The following CD163L1 variants were observed in gnomAD, a reference collection of about 807,000 sequenced individuals.
CD163L1 encodes the protein CD163 molecule like 1.
Under a neutral mutation model 165.4 loss-of-function variants are expected in CD163L1, and 124 were observed. The ratio of observed to expected loss-of-function variants is 0.75; its 90% CI spans 0.65 to 0.87. The LOEUF (loss-of-function observed/expected upper bound fraction) is 0.87, where lower values mean the gene tolerates loss of function less well. CD163L1 is among the 40% of genes least tolerant of loss of function. The pLI is 0.00. For missense variants in CD163L1, 1,525 were observed against 1,799.9 expected (o/e 0.85, Z 2.76); for synonymous variants, 585 against 662.2 (o/e 0.88, Z 1.79).
At position 7,368,324 on chromosome 12, in the gene CD163L1, T is replaced by C. The variant is rs975250818; in HGVS notation, c.4073-127A>G. On this transcript the variant is annotated intron_variant, in intron 16 of 19. Coordinates refer to ENST00000313599, the MANE Select transcript of CD163L1 (RefSeq NM_174941.6). This position sits in a 1 kb window ranked among gnomAD's most constrained non-coding sequence, Gnocchi z 4.3. ...ATGGCTATACATTTCAACATATTCA[T>C]GAACAGTACGTAATCTTTGAGAGCT... 1 of 567,836 alleles carries C rather than the reference T, an allele frequency of 1.8e-6. No individual in the cohort carries two copies. The highest frequency in any genetic ancestry group is 3.1e-6 in the Non-Finnish European group (1 of 318,508). 35.2% of individuals were successfully genotyped at this position (567,836 alleles called of 1,614,324 possible).
chr12:7,432,740 C>T lies in CD163L1; in HGVS notation c.446-4G>A, dbSNP rs200949192. On this transcript the variant is annotated splice_region_variant and splice_polypyrimidine_tract_variant and intron_variant, in intron 3 of 19. Coordinates refer to ENST00000313599, the MANE Select transcript of CD163L1 (RefSeq NM_174941.6). The surrounding 1 kb of genome is among the most constrained non-coding windows in gnomAD (Gnocchi z 4.2). ...CTCAAACCCAGATTGGCTTCACCTA[C>T]GAGAAAGACAAGCAGACATATGAAA... 1,045 of 1,586,182 alleles carry T rather than the reference C, an allele frequency of 6.6e-4. 2 individuals carry two copies. In the African/African-American group the frequency reaches 9.7e-3, roughly 15 times the overall value.
intron 14 of CD163L1, among the ~76,000 whole-genome samples, chr12:7,370,802 T>C (rs1239757395): frequency 6.6e-6 from 1 of 152,210 alleles, no homozygotes; most frequent in Non-Finnish European, 1.5e-5. Flanking sequence ...ACTTTTAGAC[T>C]AGCTTCTACC....
chr12:7,355,340 T>A (rs907203366), intron 19 of CD163L1, among the ~76,000 whole-genome samples: 68 of 152,298 alleles, frequency 4.5e-4, no homozygotes, highest in African/African-American at 1.5e-3. Context: ...ATTTTCTTTC[T>A]GCTCCCATAG....
At chr12:7,403,181 CAATG>C (rs1947946710) in intron 6 of CD163L1, among the ~76,000 whole-genome samples, 2 of 136,564 alleles carry the variant, frequency 1.5e-5, no homozygotes, top group Admixed American at 7.6e-5. Flanking sequence ...CAGAAATAAA[CAATG>C]TATATTATTA....
intron 5 of CD163L1, among the ~76,000 whole-genome samples, chr12:7,405,867 G>A (rs948622173): frequency 1.3e-5 from 2 of 152,118 alleles, no homozygotes; most frequent in Non-Finnish European, 2.9e-5. Context: ...TTAAGAGAGT[G>A]AACAGGTTTC....
downstream of CD163L1, among the ~76,000 whole-genome samples, chr12:7,344,949 A>T (rs1946659520): frequency 6.6e-6 from 1 of 152,048 alleles, no homozygotes; most frequent in African/African-American, 2.4e-5. Context: ...GGCCCCTGAA[A>T]CCATTCTTTC....
rs145411783 is a variant in CD163L1, at chr12:7,396,373, C to T, written c.1772G>A (p.Arg591His). Residue 591 changes from arginine (R) to histidine (H), a missense_variant, in exon 8 of 20, where the codon CGC becomes CAC. Coordinates refer to ENST00000313599, the MANE Select transcript of CD163L1 (RefSeq NM_174941.6). ...GTACACCTCCAGTCTTCCCGAGCAGCGGTTGCTGCCGCCCACCAGCCTCAG... is the reference window on the plus strand; with the variant it reads ...GTACACCTCCAGTCTTCCCGAGCAGTGGTTGCTGCCGCCCACCAGCCTCAG... The part of the protein sequence containing the change: ...WGLRLVGGSN[R>H]CSGRLEVYFQ... 2.0e-5 allele frequency: 32 copies of T among 1,610,458 alleles called. No individual in the cohort carries two copies. Among genetic ancestry groups the T allele is most frequent in the Admixed American group, 6.7e-5 (4 of 59,862 alleles).
chr12:7,379,820 GA>G (rs1477736047), intron 8 of CD163L1, among the ~76,000 whole-genome samples: 1 of 149,250 alleles, frequency 6.7e-6, no homozygotes, highest in African/African-American at 2.5e-5. Context: ...TGGAGCTCGG[GA>G]AAAGAAAACA....
intron 4 of CD163L1, among the ~76,000 whole-genome samples, chr12:7,413,706 C>T (rs970332259): frequency 1.3e-5 from 2 of 152,304 alleles, no homozygotes; most frequent in African/African-American, 4.8e-5. Flanking sequence ...GTGTGTGTAT[C>T]TTTTGCAGAC....
Position 7,421,520 on chromosome 12 carries a change from T to C in CD163L1, c.766+10896A>G, listed in dbSNP as rs775306779. Among the ~76,000 whole-genome samples the C allele has an allele frequency of 6.1e-5, 8 of 130,842 alleles. No individual in the cohort carries two copies. In the East Asian group the frequency reaches 1.3e-3, roughly 21 times the overall value. The allele number at this position is 130,842 out of a possible 152,430, so 85.8% of individuals were successfully genotyped here. On this transcript the variant is annotated intron_variant, in intron 4 of 19. Transcript: ENST00000313599. ...ATATGTACATATACATATACATATATGTACATATATACATATACGTACACA... is the reference window on the plus strand; with the variant it reads ...ATATGTACATATACATATACATATACGTACATATATACATATACGTACACA...
intron 4 of CD163L1, among the ~76,000 whole-genome samples, chr12:7,421,403 TCTTCC>T (rs1948386989): frequency 1.5e-5 from 1 of 64,932 alleles, no homozygotes; most frequent in Non-Finnish European, 2.5e-5. Flanking sequence ...TGTATATATA[TCTTCC>T]AAATGTATAT....
Position 7,442,587 on chromosome 12 carries a change from C to G in CD163L1, c.32-1341G>C, listed in dbSNP as rs777721277. 3.9e-5 allele frequency among the ~76,000 whole-genome samples: 6 copies of G among 152,266 alleles called. No individual in the cohort carries two copies. The South Asian group carries it at 1.2e-3, about 32-fold the overall frequency. On this transcript the variant is annotated intron_variant, in intron 1 of 19. Coordinates refer to ENST00000313599, the MANE Select transcript of CD163L1 (RefSeq NM_174941.6). The stretch of plus-strand genomic sequence containing the variant: ...TCAAGAGAAAACCCTCCCTATAGAA[C>G]GAAACAGGGAGAAATAAGTGTGGAA...
chr12:7,390,488 C>T (rs756232600), intron 8 of CD163L1, among the ~76,000 whole-genome samples: 2 of 152,122 alleles, frequency 1.3e-5, no homozygotes, highest in East Asian at 3.9e-4. Context: ...TAAATACGTA[C>T]ACATATTATA....
chr12:7,409,255 T>C (rs1948085961), intron 4 of CD163L1, among the ~76,000 whole-genome samples: 1 of 152,202 alleles, frequency 6.6e-6, no homozygotes, highest in African/African-American at 2.4e-5. Flanking sequence ...AAGTAAGTTT[T>C]ATTTTTGTAT....
chr12:7,416,101 T>A (rs1032141991), intron 4 of CD163L1, among the ~76,000 whole-genome samples: 1 of 152,224 alleles, frequency 6.6e-6, no homozygotes, highest in African/African-American at 2.4e-5. Flanking sequence ...TTTCCTGACT[T>A]TTTAATGATC....
chr12:7,389,960 T>TTATATATATATATATATA (rs59235889), intron 8 of CD163L1, among the ~76,000 whole-genome samples: 12 of 135,938 alleles, frequency 8.8e-5, no homozygotes, highest in African/African-American at 2.5e-4. Flanking sequence ...ATATATATAT[T>TTATATATATATATATATA]TATATATATA....
intron 18 of CD163L1, among the ~76,000 whole-genome samples, chr12:7,358,018 T>C (rs755147687): frequency 5.0e-4 from 76 of 152,184 alleles, no homozygotes; most frequent in African/African-American, 1.7e-3. Flanking sequence ...TTGGGAGTCA[T>C]TACTCCCAAT....
chr12:7,442,588 G>A (rs1948845232), intron 1 of CD163L1, among the ~76,000 whole-genome samples: 1 of 152,120 alleles, frequency 6.6e-6, no homozygotes, highest in African/African-American at 2.4e-5. Context: ...CCTATAGAAC[G>A]AAACAGGGAG....
At chr12:7,397,293 G>T (rs1054092486) in intron 7 of CD163L1, among the ~76,000 whole-genome samples, 4 of 152,174 alleles carry the variant, frequency 2.6e-5, no homozygotes, top group African/African-American at 9.7e-5. Context: ...TGAGCTTAGA[G>T]ATTCAAATTC....
Sources: allele counts gnomAD v4.1 joint callset (sites outside exome capture counted in the v4.1 genomes callset), GRCh38; gene constraint gnomAD v4.1.1; non-coding constraint Gnocchi (gnomAD v3.1); transcripts MANE v1.5; gene names NCBI Gene and HGNC (gene_info 2026-07-23, HGNC 2026-07-21).